Variants in PKP2 observed in about 807,000 individuals in gnomAD.
The protein encoded by PKP2 is plakophilin 2, also known as plakophilin-2.
A neutral mutation model predicts 83.4 loss-of-function variants in PKP2; 73 were observed. The ratio of observed to expected loss-of-function variants is 0.88; its 90% confidence interval spans 0.72 to 1.06. The LOEUF (loss-of-function observed/expected upper bound fraction) is 1.06, where lower values mean the gene tolerates loss of function less well. Ranked by LOEUF, PKP2 falls within the 50% of genes least tolerant of loss-of-function variation. PKP2 has a pLI of 0.00. For missense variants in PKP2, 966 were observed against 1,065.4 expected, an observed-to-expected ratio of 0.91 and a Z score of 1.30; for synonymous variants, 409 against 430.4, an observed-to-expected ratio of 0.95 and a Z score of 0.62.
chr12:32,811,792 C>G (rs1956279254), intron 9 of PKP2, among the ~76,000 whole-genome samples: 1 of 152,216 alleles, frequency 6.6e-6, no homozygotes, highest in African/African-American at 2.4e-5. Flanking sequence ...TGTCCAGTTT[C>G]TCCAACAGCT....
chr12:32,855,918 A>C (rs1956743554), intron 4 of PKP2, among the ~76,000 whole-genome samples: 1 of 152,114 alleles, frequency 6.6e-6, no homozygotes, highest in South Asian at 2.1e-4. Flanking sequence ...CTATGTTTTC[A>C]AATAATGAGC....
At chr12:32,833,121 T>C (rs976445965) in intron 6 of PKP2, among the ~76,000 whole-genome samples, 2 of 152,202 alleles carry the variant, frequency 1.3e-5, no homozygotes, top group Non-Finnish European at 2.9e-5. Context: ...CGTGCACCTG[T>C]AGTCCCAGCT....
chr12:32,869,016 C>T lies in PKP2; in HGVS notation c.1081G>A (p.Glu361Lys), dbSNP rs375404471. 1.6e-5 allele frequency: 26 copies of T among 1,613,776 alleles called. No individual in the cohort carries two copies. Among genetic ancestry groups the T allele is most frequent in the South Asian group, 1.5e-4 (14 of 91,082 alleles). ...MTLERAVSML[E>K]ADHMLPSRIS... ...CTGGATGGCAGCATGTGGTCTGCCT[C>T]GAGCATACTCACTGCTCGCTCCAGA... The change falls in exon 4 of 13, where the codon GAG (glutamate) becomes AAG (lysine). Residue 361 changes from glutamate to lysine, a missense_variant. Coordinates refer to ENST00000340811, the MANE Select transcript of PKP2 (RefSeq NM_001005242.3).
chr12:32,793,740 C>A (rs1015094143), intron 11 of PKP2, among the ~76,000 whole-genome samples: 12 of 149,268 alleles, frequency 8.0e-5, no homozygotes, highest in African/African-American at 3.0e-4. Flanking sequence ...GGACTACAGG[C>A]GCATGCCACC....
chr12:32,792,134 C>A lies in PKP2; in HGVS notation c.*290G>T. On this transcript the variant is annotated 3_prime_UTR_variant, in exon 13 of 13. Coordinates refer to ENST00000340811, the MANE Select transcript of PKP2 (RefSeq NM_001005242.3). ...TTTCCTTATTTATTGGATTAATGTC[C>A]CTTCCACATGAATTCACATTTTGAT... 1 of 449,258 alleles carries A rather than the reference C, an allele frequency of 2.2e-6. No homozygotes were observed. The highest frequency in any genetic ancestry group is 2.3e-5 in the South Asian group (1 of 43,752). The allele number at this position is 449,258 out of a possible 1,614,324, so 27.8% of individuals were successfully genotyped here.
intron 4 of PKP2, among the ~76,000 whole-genome samples, chr12:32,857,393 T>G (rs182568198): frequency 6.6e-6 from 1 of 151,170 alleles, no homozygotes; most frequent in Non-Finnish European, 1.5e-5. Context: ...GCTACTGCAC[T>G]CCAGCCTGGG....
chr12:32,798,900 C>A (rs562955964), intron 10 of PKP2, among the ~76,000 whole-genome samples: 1 of 152,116 alleles, frequency 6.6e-6, no homozygotes, highest in Non-Finnish European at 1.5e-5. Context: ...TGCAACAAAA[C>A]CAAAAATAAG....
chr12:32,877,968 A>G lies in PKP2; in HGVS notation c.912T>C (p.Ala304=), dbSNP rs1591828546. 1 of 1,614,146 alleles carries G rather than the reference A, an allele frequency of 6.2e-7. No individual in the cohort carries two copies. Among genetic ancestry groups the G allele is most frequent in the East Asian group, 2.2e-5 (1 of 44,878 alleles). The change falls in exon 3 of 13, where the codon GCT becomes GCC. Residue 304 remains alanine (A), a synonymous_variant. Coordinates refer to ENST00000340811, the MANE Select transcript of PKP2 (RefSeq NM_001005242.3). ...TGGAATCCACGGCGACACTGGGCCC[A>G]GCTTCCCTCAGCGTGCGGGTGCTGT... ...SFHSTRTLRE[A]GPSVAVDSSG...
At chr12:32,818,526 A>G (rs1221212663) in intron 9 of PKP2, among the ~76,000 whole-genome samples, 1 of 152,180 alleles carries the variant, frequency 6.6e-6, no homozygotes, top group Non-Finnish European at 1.5e-5. Context: ...TTACTATACA[A>G]TGTTTAATCT....
intron 5 of PKP2, 58 bp from the exon 6 acceptor site, chr12:32,841,263 G>A: frequency 2.1e-6 from 3 of 1,434,084 alleles, no homozygotes; most frequent in Non-Finnish European, 2.9e-6. Context: ...AATGACCGCT[G>A]AAAAGTTCAG....
intron 7 of PKP2, among the ~76,000 whole-genome samples, chr12:32,823,142 C>G (rs548095831): frequency 6.6e-6 from 1 of 152,256 alleles, no homozygotes; most frequent in African/African-American, 2.4e-5. Flanking sequence ...AGTCCAGGTG[C>G]TGTGGCTCAC....
intron 4 of PKP2, among the ~76,000 whole-genome samples, chr12:32,853,981 A>C (rs1427237250): frequency 6.6e-6 from 1 of 152,168 alleles, no homozygotes; most frequent in African/African-American, 2.4e-5. Context: ...ATACATTCAC[A>C]CTTTATAAGC....
intron 9 of PKP2, among the ~76,000 whole-genome samples, chr12:32,818,401 C>T (rs1956340362): frequency 6.6e-6 from 1 of 152,134 alleles, no homozygotes; most frequent in African/African-American, 2.4e-5. Context: ...ACAGAGGTTG[C>T]AGTGAGCCGA....
Position 32,808,791 on chromosome 12 carries a change from G to T in PKP2, c.2014-6235C>A, listed in dbSNP as rs538691163. 3.3e-5 allele frequency among the ~76,000 whole-genome samples: 5 copies of T among 152,282 alleles called. No homozygotes were observed. The South Asian group carries it at 1.0e-3, about 32-fold the overall frequency. The stretch of plus-strand genomic sequence containing the variant: ...TCTTAGCAACCACAGGGCTGCTGTG[G>T]TTTGTTGGGGGTCTGCTCCAGACCT... On this transcript the variant is annotated intron_variant, in intron 9 of 12. Coordinates refer to ENST00000340811, the MANE Select transcript of PKP2 (RefSeq NM_001005242.3).
In PKP2 at chr12:32,822,628, T is replaced by C. The variant is rs766720695; in HGVS notation, c.1678A>G (p.Thr560Ala). ...IADYQPDDKA[T>A]ENCVCILHNL... ...TGAAGAATGCACACACAATTCTCCG[T>C]GGCCTGAGAAAACAGGACAAGAATA... The change falls in exon 8 of 13, where the codon ACG (threonine) becomes GCG (alanine). Residue 560 changes from threonine (T) to alanine (A), a missense_variant. Thr to Ala is a moderately conservative substitution (Grantham distance 58, BLOSUM62 0). Coordinates refer to ENST00000340811, the MANE Select transcript of PKP2 (RefSeq NM_001005242.3). 1.2e-6 allele frequency: 2 copies of C among 1,614,062 alleles called. No homozygotes were observed. Among genetic ancestry groups the C allele is most frequent in the East Asian group, 2.2e-5 (1 of 44,876 alleles).
chr12:32,799,143 A>G (rs756382360), intron 10 of PKP2, among the ~76,000 whole-genome samples: 5 of 152,230 alleles, frequency 3.3e-5, no homozygotes, highest in Non-Finnish European at 2.9e-5. Flanking sequence ...TACAAATGGC[A>G]TAAGAAAAAT....
intron 5 of PKP2, among the ~76,000 whole-genome samples, chr12:32,849,005 T>TAAAA (rs397850139): frequency 8.1e-6 from 1 of 122,990 alleles, no homozygotes; most frequent in African/African-American, 3.0e-5. Context: ...ATTACACAGT[T>TAAAA]AAAAAAAAAA....
intron 4 of PKP2, among the ~76,000 whole-genome samples, chr12:32,867,875 T>G (rs1472607500): frequency 6.6e-6 from 1 of 152,190 alleles, no homozygotes; most frequent in African/African-American, 2.4e-5. Context: ...GAGCTGTGAT[T>G]CCTCCTCCCT....
At chr12:32,802,819 C>A (rs1956194709) in intron 9 of PKP2, among the ~76,000 whole-genome samples, 1 of 151,870 alleles carries the variant, frequency 6.6e-6, no homozygotes, top group African/African-American at 2.4e-5. Flanking sequence ...CCACCACGCC[C>A]AGCTAATTTT....
Sources: allele counts gnomAD v4.1 joint callset (sites outside exome capture counted in the v4.1 genomes callset), GRCh38; gene constraint gnomAD v4.1.1; transcripts MANE v1.5; gene names NCBI Gene and HGNC (gene_info 2026-07-23, HGNC 2026-07-21).